DSCAML1: variants seen among roughly 807,000 people sequenced by gnomAD.
DSCAML1 encodes cell adhesion molecule DSCAML1.
In DSCAML1, 38 loss-of-function variants were observed where a neutral mutation model predicts 200.5. The observed-to-expected ratio is 0.19, with a 90% CI of 0.15 to 0.25. DSCAML1 has a LOEUF of 0.25. DSCAML1 is among the 10% of genes least tolerant of loss of function. The probability of loss-of-function intolerance (pLI) is 1.00; values close to 1 mark genes in which losing one functional copy is unlikely to be tolerated. For missense variants in DSCAML1, 2,223 were observed against 2,858.8 expected (o/e 0.78, Z 5.07); for synonymous variants, 1,215 against 1,165.0 (o/e 1.04, Z -0.87).
At chr11:117,716,989 CCCAGA>C (rs1277264078) in intron 3 of DSCAML1, among the ~76,000 whole-genome samples, 1 of 1,044 alleles carries the variant, frequency 9.6e-4, no homozygotes, top group Non-Finnish European at 0.031. Context: ...AAATTCCCAT[CCCAGA>C]TGCACCCCAG....
chr11:117,810,637 C>A (rs550604711), intron 1 of DSCAML1, among the ~76,000 whole-genome samples: 2 of 152,270 alleles, frequency 1.3e-5, no homozygotes, highest in Admixed American at 1.3e-4. Flanking sequence ...CTCACCTGAC[C>A]TAAAATCAAA....
At chr11:117,476,470 CT>C (rs1565719264) in intron 14 of DSCAML1, among the ~76,000 whole-genome samples, 2 of 152,220 alleles carry the variant, frequency 1.3e-5, no homozygotes, top group African/African-American at 4.8e-5. Flanking sequence ...ACCAGTCCCT[CT>C]GACAGCCACA....
At position 117,489,810 on chromosome 11, in the gene DSCAML1, C is replaced by T. The variant is rs780808410; in HGVS notation, c.2360-7648G>A. 3.9e-5 allele frequency among the ~76,000 whole-genome samples: 6 copies of T among 152,216 alleles called. No homozygotes were observed. The highest frequency in any genetic ancestry group is 2.1e-4 in the South Asian group (1 of 4,830). On this transcript the variant is annotated intron_variant, in intron 11 of 32. Transcript: ENST00000651296. The surrounding 1 kb of genome is among the most constrained non-coding windows in gnomAD (Gnocchi z 4.8). ...CCTGCGGGGCATCCCCTGCATGGCA[C>T]GTGTCCTCCGGCAGCGTCCTTGCCT...
At chr11:117,705,533 A>C (rs2053744563) in intron 3 of DSCAML1, among the ~76,000 whole-genome samples, 1 of 152,092 alleles carries the variant, frequency 6.6e-6, no homozygotes, top group Non-Finnish European at 1.5e-5. Context: ...GATTTCTTCG[A>C]GGTTCAAAAC....
intron 11 of DSCAML1, among the ~76,000 whole-genome samples, chr11:117,486,522 G>A (rs2049070209): frequency 1.3e-5 from 2 of 152,210 alleles, no homozygotes; most frequent in Admixed American, 6.5e-5. Context: ...AGGCAAGAAG[G>A]AAAGCAGAGA....
At position 117,459,270 on chromosome 11, in the gene DSCAML1, G is replaced by A. The variant is rs183544936; in HGVS notation, c.3413-361C>T. Among the ~76,000 whole-genome samples the A allele has an allele frequency of 4.6e-5, 7 of 152,376 alleles. No homozygotes were observed. The East Asian group carries it at 9.7e-4, about 21-fold the overall frequency. On this transcript the variant is annotated intron_variant, in intron 18 of 32. Transcript: ENST00000651296. ...CTCCCTTCCCATGGGAGAGCCCAGA[G>A]TGGCTTGGACCTGGATGGAGGAGGT...
intron 3 of DSCAML1, among the ~76,000 whole-genome samples, chr11:117,680,762 G>A (rs752780759): frequency 4.6e-5 from 7 of 152,182 alleles, no homozygotes; most frequent in Non-Finnish European, 8.8e-5. Flanking sequence ...AGGGTACCTT[G>A]GGAGGCTCTG....
Position 117,439,250 on chromosome 11 carries a change from C to T in DSCAML1, c.4144+16G>A. 1 of 1,613,128 alleles carries T rather than the reference C, an allele frequency of 6.2e-7. No individual in the cohort carries two copies. Among genetic ancestry groups the T allele is most frequent in the Non-Finnish European group, 8.5e-7 (1 of 1,179,476 alleles). On this transcript the variant is annotated intron_variant, in intron 23 of 32. Transcript: ENST00000651296. ...CCCTGTCCCCACCTGGGGTCACCTG[C>T]CTCACAGAGCCTCACCTTGCACCAG...
At chr11:117,710,146 C>T (rs1172341372) in intron 3 of DSCAML1, among the ~76,000 whole-genome samples, 1 of 152,164 alleles carries the variant, frequency 6.6e-6, no homozygotes, top group Non-Finnish European at 1.5e-5. Flanking sequence ...GATATTTCAT[C>T]TCCTAGATTC....
chr11:117,588,913 T>G (rs1395221058), intron 3 of DSCAML1, among the ~76,000 whole-genome samples: 1 of 152,220 alleles, frequency 6.6e-6, no homozygotes, highest in Non-Finnish European at 1.5e-5. Flanking sequence ...ATCAGTCTGA[T>G]TCAGCGCCTG....
chr11:117,817,210 C>A (rs1207323818), intron 1 of DSCAML1, among the ~76,000 whole-genome samples: 1 of 152,224 alleles, frequency 6.6e-6, no homozygotes, highest in Non-Finnish European at 1.5e-5. Flanking sequence ...AGAGACCCTG[C>A]AACCCCATTG....
In DSCAML1 at chr11:117,461,463, G is replaced by A; in HGVS notation, c.3399C>T (p.Leu1133=). ...LKGYRVIFWS[L]YVDGEWGEMQ... ...CAGCAGACTCACCCCCATCAACATA[G>A]AGGGACCAGAAGATGACCCGATAGC... Residue 1133 remains leucine (L), a synonymous_variant, in exon 18 of 33, where the codon CTC becomes CTT. Transcript: ENST00000651296. The A allele has an allele frequency of 6.2e-7, 1 of 1,614,174 alleles. No individual in the cohort carries two copies.
At chr11:117,614,983 G>A (rs898284502) in intron 3 of DSCAML1, among the ~76,000 whole-genome samples, 4 of 152,176 alleles carry the variant, frequency 2.6e-5, no homozygotes, top group African/African-American at 9.7e-5. Context: ...GATAATCAGA[G>A]GGCACAGTTT....
intron 4 of DSCAML1, among the ~76,000 whole-genome samples, chr11:117,531,486 C>T (rs925554885): frequency 2.0e-5 from 3 of 152,150 alleles, no homozygotes; most frequent in South Asian, 2.1e-4. Flanking sequence ...AAGAAGAATC[C>T]TCTATTCTGT....
chr11:117,581,784 C>T (rs1358628973), intron 3 of DSCAML1, among the ~76,000 whole-genome samples: 1 of 152,164 alleles, frequency 6.6e-6, no homozygotes, highest in Non-Finnish European at 1.5e-5. Flanking sequence ...AGTGATGAAG[C>T]CACGATTTAA....
chr11:117,788,754 T>C (rs946517964), intron 1 of DSCAML1, among the ~76,000 whole-genome samples: 1 of 152,224 alleles, frequency 6.6e-6, no homozygotes, highest in Non-Finnish European at 1.5e-5. Context: ...ATTTTACAGA[T>C]AAGAAGACAG....
chr11:117,781,047 A>G (rs919014764), intron 1 of DSCAML1, among the ~76,000 whole-genome samples: 1 of 152,212 alleles, frequency 6.6e-6, no homozygotes, highest in Non-Finnish European at 1.5e-5. Flanking sequence ...CTGTAATTCC[A>G]GCACTTTGGG....
chr11:117,578,181 G>A (rs1335495031), intron 3 of DSCAML1, among the ~76,000 whole-genome samples: 1 of 147,440 alleles, frequency 6.8e-6, no homozygotes, highest in African/African-American at 2.5e-5. Flanking sequence ...GTTGCAGTGA[G>A]CCGAGATTGT....
At position 117,802,701 on chromosome 11, in the gene DSCAML1, GC is replaced by G. The variant is rs574484875; in HGVS notation, c.-250+14688del. On this transcript the variant is annotated intron_variant, in intron 1 of 2. Transcript: ENST00000525836. ...AAGAAGTCTCAGCAGTTCCTGCTGA[GC>G]CCGCATCACTGTGGTCTTCACAGTT... 1.4e-4 allele frequency among the ~76,000 whole-genome samples: 22 copies of G among 152,274 alleles called. No individual in the cohort carries two copies. In the East Asian group the frequency reaches 3.3e-3, roughly 23 times the overall value.
Sources: gnomAD v4.1 joint callset for allele counts (sites outside exome capture counted in the v4.1 genomes callset) on GRCh38, gnomAD v4.1.1 for gene constraint, Gnocchi (gnomAD v3.1) non-coding constraint, MANE v1.5 for transcripts, NCBI Gene and HGNC (gene_info 2026-07-23, HGNC 2026-07-21) for gene names.